The following KCNQ5 variants were observed in gnomAD, a reference collection of about 807,000 sequenced individuals.
KCNQ5 encodes the protein potassium voltage-gated channel subfamily KQT member 5.
In KCNQ5, 30 loss-of-function variants were observed where a neutral mutation model predicts 98.2. The ratio of observed to expected loss-of-function variants is 0.31; its 90% CI spans 0.23 to 0.41. KCNQ5 has a LOEUF of 0.41. Among genes scored for constraint, KCNQ5 ranks in the 10% least tolerant of loss-of-function variants. The pLI is 1.00. For missense variants in KCNQ5, 835 were observed against 1,182.5 expected, an observed-to-expected ratio of 0.71 and a Z score of 4.31; for synonymous variants, 458 against 449.4, an observed-to-expected ratio of 1.02 and a Z score of -0.24.
chr6:72,718,302 C>G (rs1769754942), intron 1 of KCNQ5, among the ~76,000 whole-genome samples: 3 of 152,170 alleles, frequency 2.0e-5, no homozygotes, highest in Admixed American at 2.0e-4. Context: ...ATGTATGCCT[C>G]TCCCTTTGCT....
At chr6:73,044,320 G>A (rs1484718530) in intron 3 of KCNQ5, among the ~76,000 whole-genome samples, 1 of 152,148 alleles carries the variant, frequency 6.6e-6, no homozygotes, top group Non-Finnish European at 1.5e-5. Context: ...CATAATTGCA[G>A]TTTTGTTAAC....
chr6:72,739,240 A>G (rs1470078627), intron 1 of KCNQ5, among the ~76,000 whole-genome samples: 1 of 152,202 alleles, frequency 6.6e-6, no homozygotes, highest in African/African-American at 2.4e-5. Context: ...AAATAAAAGA[A>G]AGGAATTATG....
chr6:72,727,333 C>T (rs1273934657), intron 1 of KCNQ5, among the ~76,000 whole-genome samples: 1 of 152,184 alleles, frequency 6.6e-6, no homozygotes, highest in Middle Eastern at 3.2e-3. Context: ...ATGTCAAGCC[C>T]ATCTCTGAAG....
At chr6:72,960,516 G>A (rs1443687406) in intron 1 of KCNQ5, among the ~76,000 whole-genome samples, 2 of 151,974 alleles carry the variant, frequency 1.3e-5, no homozygotes, top group African/African-American at 4.8e-5. Flanking sequence ...TGCAACCTCC[G>A]CCTCCTGAGT....
At chr6:72,907,300 C>T (rs1443217169) in intron 1 of KCNQ5, among the ~76,000 whole-genome samples, 1 of 152,128 alleles carries the variant, frequency 6.6e-6, no homozygotes, top group Non-Finnish European at 1.5e-5. Flanking sequence ...ACATGTACCC[C>T]TGAACCTAAG....
At chr6:72,785,657 A>C (rs1304701595) in intron 1 of KCNQ5, among the ~76,000 whole-genome samples, 9 of 152,052 alleles carry the variant, frequency 5.9e-5, no homozygotes, top group South Asian at 2.1e-4. Flanking sequence ...TCTCAAAAAA[A>C]AAAAACAAAA....
rs1771224397 is a variant in KCNQ5 at position 72,743,324 on chromosome 6, C to T, written c.398+120737C>T. Among the ~76,000 whole-genome samples the T allele has an allele frequency of 2.6e-5, 4 of 151,550 alleles. No individual in the cohort carries two copies. The South Asian group carries it at 8.3e-4, about 31-fold the overall frequency. On this transcript the variant is annotated intron_variant, in intron 1 of 13. Coordinates refer to ENST00000370398, the MANE Select transcript of KCNQ5 (RefSeq NM_019842.4). ...AATTAATGAAATATTTTATAATATA[C>T]ATTATGTATTTTAAATATTTTTCAT...
At chr6:72,947,424 A>G (rs887769391) in intron 1 of KCNQ5, among the ~76,000 whole-genome samples, 2 of 152,176 alleles carry the variant, frequency 1.3e-5, no homozygotes, top group African/African-American at 4.8e-5. Flanking sequence ...GATACAAGCA[A>G]GACTTACTGC....
intron 5 of KCNQ5, among the ~76,000 whole-genome samples, chr6:73,097,142 C>CATATAGATATATATATAT (rs1774539981): frequency 8.2e-6 from 1 of 121,858 alleles, no homozygotes; most frequent in Non-Finnish European, 1.8e-5. Context: ...CAATAGATCT[C>CATATAGATATATATATAT]ATATATATAT....
At chr6:72,895,682 TTA>T (rs950078091) in intron 1 of KCNQ5, among the ~76,000 whole-genome samples, 1 of 148,974 alleles carries the variant, frequency 6.7e-6, no homozygotes, top group African/African-American at 2.4e-5. Context: ...TCAACATATA[TTA>T]TATATATATA....
intron 1 of KCNQ5, among the ~76,000 whole-genome samples, chr6:72,922,808 T>C (rs1162129994): frequency 8.2e-6 from 1 of 121,348 alleles, no homozygotes; most frequent in African/African-American, 3.1e-5. Flanking sequence ...CTTTTTCTTT[T>C]TCTTTTTTTT....
At chr6:72,880,851 G>C (rs1474683584) in intron 1 of KCNQ5, among the ~76,000 whole-genome samples, 1 of 152,110 alleles carries the variant, frequency 6.6e-6, no homozygotes, top group Non-Finnish European at 1.5e-5. Flanking sequence ...CTAAAACTCA[G>C]TTTCTTGTCT....
intron 1 of KCNQ5, among the ~76,000 whole-genome samples, chr6:72,713,432 T>C (rs1769476141): frequency 6.6e-6 from 1 of 152,172 alleles, no homozygotes; most frequent in African/African-American, 2.4e-5. Flanking sequence ...GTCCAACCAA[T>C]CACCAAATTC....
chr6:72,717,976 A>G (rs73537782), intron 1 of KCNQ5, among the ~76,000 whole-genome samples: 1,695 of 151,980 alleles, frequency 0.011, 30 homozygotes, highest in African/African-American at 0.039. Context: ...ACCTCACACA[A>G]CTCTTTCTCC....
At chr6:72,974,028 C>A (rs1405573717) in intron 1 of KCNQ5, among the ~76,000 whole-genome samples, 5 of 152,134 alleles carry the variant, frequency 3.3e-5, no homozygotes, top group African/African-American at 7.2e-5. Context: ...TAGGAGGAGA[C>A]ATACACTGAA....
chr6:72,744,478 T>A (rs1771278345), intron 1 of KCNQ5, among the ~76,000 whole-genome samples: 1 of 152,140 alleles, frequency 6.6e-6, no homozygotes, highest in Non-Finnish European at 1.5e-5. Context: ...GATGTTTCTA[T>A]CAGTAGGAAT....
At chr6:73,067,904 AT>A (rs1227654384) in intron 3 of KCNQ5, among the ~76,000 whole-genome samples, 15 of 782 alleles carry the variant, frequency 0.019, no homozygotes, top group African/African-American at 0.024. Flanking sequence ...ATATATATAT[AT>A]AACTAAAATT....
chr6:72,645,525 A>G (rs868430570), intron 1 of KCNQ5, among the ~76,000 whole-genome samples: 1 of 152,172 alleles, frequency 6.6e-6, no homozygotes, highest in East Asian at 1.9e-4. Context: ...TAATATAACA[A>G]TAAGTATTAA....
chr6:72,934,717 G>T (rs1030636745), intron 1 of KCNQ5, among the ~76,000 whole-genome samples: 4 of 152,120 alleles, frequency 2.6e-5, no homozygotes, highest in African/African-American at 9.7e-5. Flanking sequence ...CTCCATCTTG[G>T]TAACAGGAGG....
Sources: allele counts gnomAD v4.1 joint callset (sites outside exome capture counted in the v4.1 genomes callset), GRCh38; gene constraint gnomAD v4.1.1; transcripts MANE v1.5; gene names NCBI Gene and HGNC (gene_info 2026-07-23, HGNC 2026-07-21).